Variants in LTBP1 observed in about 807,000 individuals in gnomAD.
The protein encoded by LTBP1 is latent transforming growth factor beta binding protein 1, also known as latent-transforming growth factor beta-binding protein 1.
LTBP1 carries 129 observed loss-of-function variants against 207.6 expected under a neutral mutation model. The observed-to-expected ratio is 0.62, with a 90% CI of 0.54 to 0.72. The LOEUF (loss-of-function observed/expected upper bound fraction) is 0.72. Ranked by LOEUF, LTBP1 falls within the 30% of genes least tolerant of loss-of-function variation. The pLI is 0.00. For missense variants in LTBP1, 2,281 were observed against 2,217.2 expected, an observed-to-expected ratio of 1.03 and a Z score of -0.58; for synonymous variants, 963 against 833.7, an observed-to-expected ratio of 1.16 and a Z score of -2.67.
intron 3 of LTBP1, among the ~76,000 whole-genome samples, chr2:33,038,730 G>A (rs778769523): frequency 3.3e-5 from 5 of 152,188 alleles, no homozygotes; most frequent in Non-Finnish European, 7.3e-5. Context: ...TTCCTGTGCT[G>A]CAAGGAACCC....
intron 5 of LTBP1, among the ~76,000 whole-genome samples, chr2:33,145,041 A>T (rs1455395621): frequency 1.3e-5 from 2 of 152,336 alleles, no homozygotes; most frequent in East Asian, 3.9e-4. Flanking sequence ...AATTTATATC[A>T]TAAAGAAAGA....
intron 22 of LTBP1, among the ~76,000 whole-genome samples, chr2:33,304,498 C>T (rs539284637): frequency 1.9e-4 from 29 of 152,220 alleles, no homozygotes; most frequent in East Asian, 5.8e-4. Context: ...CTGGCCTCCT[C>T]GTAGAGTCAG....
chr2:33,037,911 G>T (rs1370176810), intron 3 of LTBP1, among the ~76,000 whole-genome samples: 1 of 152,052 alleles, frequency 6.6e-6, no homozygotes, highest in Admixed American at 6.5e-5. Flanking sequence ...GAGAGATGAG[G>T]TGTCATTATG....
chr2:33,304,427 G>A (rs529691441), intron 22 of LTBP1, among the ~76,000 whole-genome samples: 174 of 152,278 alleles, frequency 1.1e-3, no homozygotes, highest in African/African-American at 3.8e-3. Flanking sequence ...ATGTTTACAC[G>A]TGTAATTTTC....
chr2:33,148,126 A>G (rs749840311), intron 5 of LTBP1, among the ~76,000 whole-genome samples: 5 of 152,182 alleles, frequency 3.3e-5, no homozygotes, highest in Non-Finnish European at 7.3e-5. Context: ...TTTACTAGTA[A>G]TAGGACAGAT....
At chr2:33,208,865 ATTTTTTT>A (rs3053310) in intron 7 of LTBP1, among the ~76,000 whole-genome samples, 2 of 112,988 alleles carry the variant, frequency 1.8e-5, no homozygotes, top group African/African-American at 6.7e-5. Context: ...TCTTGCTACT[ATTTTTTT>A]TTTTTTTTTT....
chr2:33,078,523 G>A (rs1229549419), intron 3 of LTBP1, among the ~76,000 whole-genome samples: 3 of 152,196 alleles, frequency 2.0e-5, no homozygotes, highest in East Asian at 3.8e-4. Flanking sequence ...AGGAATAATT[G>A]TGGGAATAAT....
rs753773706 is a variant in LTBP1, at chr2:33,257,491, C to T, written c.2375C>T (p.Pro792Leu). 9.9e-6 allele frequency: 16 copies of T among 1,614,068 alleles called. 1 individual carries two copies. The South Asian group carries it at 1.5e-4, about 16-fold the overall frequency. The change falls in exon 12 of 34, where the codon CCA becomes CTA. Residue 792 changes from proline to leucine, a missense_variant. By Grantham distance (98) the Pro-to-Leu change is moderately conservative (BLOSUM62 -3). Around this residue, in one of 3 missense-constraint regions of LTBP1, gnomAD observed 1,671 missense variants for 1,634.8 expected, o/e 1.02. Transcript: ENST00000404816. ...EALTFSREHG[P>L]GVAEPEVATA... ...CTGACCTTCTCCCGGGAACACGGGC[C>T]AGGAGTGGCGGAGCCAGAAGGTGAG...
intron 5 of LTBP1, among the ~76,000 whole-genome samples, chr2:33,146,110 C>T (rs573405612): frequency 4.6e-5 from 7 of 152,282 alleles, no homozygotes; most frequent in South Asian, 2.1e-4. Flanking sequence ...GTCCAATTTA[C>T]GTAATAGTCT....
intron 5 of LTBP1, among the ~76,000 whole-genome samples, chr2:33,168,471 T>C (rs2085131416): frequency 6.6e-6 from 1 of 152,094 alleles, no homozygotes; most frequent in Non-Finnish European, 1.5e-5. Context: ...TCTGGATTTT[T>C]AATCTATCAG....
chr2:33,242,625 T>G (rs2149762344), intron 9 of LTBP1, among the ~76,000 whole-genome samples: 1 of 151,524 alleles, frequency 6.6e-6, no homozygotes, highest in Admixed American at 6.6e-5. Flanking sequence ...CCTTGACTCC[T>G]TTCTCTTACT....
At chr2:33,250,875 T>C (rs1388978531) in intron 10 of LTBP1, among the ~76,000 whole-genome samples, 2 of 152,176 alleles carry the variant, frequency 1.3e-5, no homozygotes, top group African/African-American at 4.8e-5. Context: ...GCCTGGGGAC[T>C]GGCCTGCCCA....
At chr2:33,256,440 T>C (rs2092853302) in intron 11 of LTBP1, among the ~76,000 whole-genome samples, 1 of 151,996 alleles carries the variant, frequency 6.6e-6, no homozygotes, top group South Asian at 2.1e-4. Flanking sequence ...GGAAGCAAAC[T>C]GTGAGGATTT....
At chr2:33,082,668 G>T (rs1234538665) in intron 3 of LTBP1, among the ~76,000 whole-genome samples, 1 of 151,780 alleles carries the variant, frequency 6.6e-6, no homozygotes, top group Non-Finnish European at 1.5e-5. Flanking sequence ...CTCGTGATCC[G>T]CCTGCCACAG....
chr2:33,179,579 C>T (rs2086414167), intron 5 of LTBP1, among the ~76,000 whole-genome samples: 1 of 151,958 alleles, frequency 6.6e-6, no homozygotes. Flanking sequence ...ATACTAGTCT[C>T]TTCTCTCATA....
intron 5 of LTBP1, among the ~76,000 whole-genome samples, chr2:33,154,526 G>A (rs1219166391): frequency 6.6e-6 from 1 of 152,160 alleles, no homozygotes; most frequent in African/African-American, 2.4e-5. Flanking sequence ...AAATAAATCT[G>A]CCTTGTTCTT....
At chr2:33,341,729 A>ATAT (rs1553509296) in intron 24 of LTBP1, among the ~76,000 whole-genome samples, 1,727 of 93,570 alleles carry the variant, frequency 0.018, 16 homozygotes, top group South Asian at 0.024. Flanking sequence ...AAAAAAAAAA[A>ATAT]ATATATATAT....
chr2:32,951,725 A>G (rs1460806658), intron 2 of LTBP1, among the ~76,000 whole-genome samples: 3 of 152,216 alleles, frequency 2.0e-5, no homozygotes, highest in Non-Finnish European at 4.4e-5. Flanking sequence ...AAAAATGGGT[A>G]TGAAAGCCTT....
chr2:33,159,850 T>G (rs1195763484), intron 5 of LTBP1, among the ~76,000 whole-genome samples: 1 of 152,224 alleles, frequency 6.6e-6, no homozygotes, highest in African/African-American at 2.4e-5. Flanking sequence ...ATGTACCGAT[T>G]AGAAAACTGA....
Sources: allele counts gnomAD v4.1 joint callset (sites outside exome capture counted in the v4.1 genomes callset), GRCh38; gene constraint gnomAD v4.1.1; regional missense constraint gnomAD v4.1.1; transcripts MANE v1.5; gene names NCBI Gene and HGNC (gene_info 2026-07-23, HGNC 2026-07-21).